OPCML: variants seen among roughly 807,000 people sequenced by gnomAD.
OPCML encodes the protein opioid-binding protein/cell adhesion molecule.
Under a neutral mutation model 37.8 loss-of-function variants are expected in OPCML, and 13 were observed. The ratio of observed to expected loss-of-function variants is 0.34; its 90% CI spans 0.22 to 0.55. The LOEUF (loss-of-function observed/expected upper bound fraction) is 0.55. Among genes scored for constraint, OPCML ranks in the 20% least tolerant of loss-of-function variants. The pLI, the probability that OPCML is intolerant of heterozygous loss-of-function variation, is 0.91. For synonymous variants in OPCML, 176 were observed against 168.8 expected (o/e 1.04, Z -0.33); for missense variants, 341 against 435.6 (o/e 0.78, Z 1.93).
chr11:133,265,648 C>T (rs1334027005), intron 1 of OPCML, among the ~76,000 whole-genome samples: 1 of 152,178 alleles, frequency 6.6e-6, no homozygotes, highest in Non-Finnish European at 1.5e-5. Context: ...GTGTCCCCAT[C>T]ACAGTGGGGT....
chr11:132,773,601 C>A (rs373328347), intron 2 of OPCML, among the ~76,000 whole-genome samples: 1 of 152,160 alleles, frequency 6.6e-6, no homozygotes, highest in East Asian at 1.9e-4. Flanking sequence ...TTGGTAAACA[C>A]GCAATGAGCT....
At chr11:133,428,609 G>A (rs1413862259) in intron 1 of OPCML, among the ~76,000 whole-genome samples, 1 of 152,094 alleles carries the variant, frequency 6.6e-6, no homozygotes, top group African/African-American at 2.4e-5. Flanking sequence ...ACTACAACAT[G>A]TAGGATTAAC....
intron 2 of OPCML, among the ~76,000 whole-genome samples, chr11:132,930,666 C>T (rs190179059): frequency 2.6e-5 from 4 of 152,014 alleles, no homozygotes; most frequent in African/African-American, 7.2e-5. Flanking sequence ...AGGTGAAAGT[C>T]GTATGTACAC....
At chr11:132,914,302 G>A (rs966874031) in intron 2 of OPCML, among the ~76,000 whole-genome samples, 33 of 152,150 alleles carry the variant, frequency 2.2e-4, no homozygotes, top group Admixed American at 1.6e-3. Context: ...AGTCAATATC[G>A]CTTGATCCAT....
At chr11:132,915,728 G>C (rs1286713392) in intron 2 of OPCML, among the ~76,000 whole-genome samples, 1 of 152,126 alleles carries the variant, frequency 6.6e-6, no homozygotes, top group Admixed American at 6.5e-5. Flanking sequence ...TAACTCATAA[G>C]GTTCAGCATT....
rs150042896 is a variant in OPCML, at chr11:132,740,982, A to G, written c.147-83663T>C. ...TTAAAGGGCAATGTGATGAAGGGAC[A>G]GTATGACGTGAAGCTCAAAGTTCAA... On this transcript the variant is annotated intron_variant, in intron 2 of 7. Transcript: ENST00000524381. Among the ~76,000 whole-genome samples, 436 of 152,334 alleles carry G rather than the reference A, an allele frequency of 2.9e-3. 1 individual carries two copies. Among genetic ancestry groups the G allele is most frequent in the African/African-American group, 9.8e-3 (406 of 41,578 alleles).
At chr11:132,984,560 T>G (rs1011912322) in intron 1 of OPCML, among the ~76,000 whole-genome samples, 9 of 152,234 alleles carry the variant, frequency 5.9e-5, no homozygotes, top group Non-Finnish European at 1.3e-4. Flanking sequence ...CTTAAAATGT[T>G]AACTAGTCCA....
At chr11:133,340,337 C>T (rs1226671069) in intron 1 of OPCML, among the ~76,000 whole-genome samples, 2 of 152,202 alleles carry the variant, frequency 1.3e-5, no homozygotes, top group Admixed American at 1.3e-4. Flanking sequence ...CCAGTTTCAA[C>T]ACCAGCCTAT....
intron 1 of OPCML, among the ~76,000 whole-genome samples, chr11:133,468,136 G>A (rs1805363569): frequency 6.6e-6 from 1 of 152,220 alleles, no homozygotes; most frequent in African/African-American, 2.4e-5. Flanking sequence ...TTTAAAACAA[G>A]TGACAGAATT....
intron 3 of OPCML, among the ~76,000 whole-genome samples, chr11:132,624,731 G>A (rs1055930071): frequency 6.6e-6 from 1 of 152,002 alleles, no homozygotes; most frequent in African/African-American, 2.4e-5. Context: ...CTTATCTTCC[G>A]GGAGGCACAA....
chr11:132,865,003 C>T (rs966532354), intron 2 of OPCML, among the ~76,000 whole-genome samples: 1 of 152,244 alleles, frequency 6.6e-6, no homozygotes, highest in Non-Finnish European at 1.5e-5. Flanking sequence ...GGCGATAGAG[C>T]CGGCACTTGG....
intron 1 of OPCML, among the ~76,000 whole-genome samples, chr11:133,039,809 C>T (rs1384532062): frequency 6.6e-6 from 1 of 152,212 alleles, no homozygotes; most frequent in Middle Eastern, 3.4e-3. Context: ...GCGGGCACAT[C>T]ACGAGGTCAG....
chr11:132,838,721 C>T (rs1273762528), intron 2 of OPCML, among the ~76,000 whole-genome samples: 1 of 151,958 alleles, frequency 6.6e-6, no homozygotes, highest in African/African-American at 2.4e-5. Flanking sequence ...TACCCATTGC[C>T]AAAGAGCTGA....
chr11:133,425,393 G>A (rs916716187), intron 1 of OPCML, among the ~76,000 whole-genome samples: 1 of 152,160 alleles, frequency 6.6e-6, no homozygotes, highest in African/African-American at 2.4e-5. Flanking sequence ...CAGGTTCACT[G>A]CCCTTCCGCA....
At chr11:133,237,096 G>C (rs1940550933) in intron 1 of OPCML, among the ~76,000 whole-genome samples, 1 of 152,206 alleles carries the variant, frequency 6.6e-6, no homozygotes, top group African/African-American at 2.4e-5. Context: ...CCTGAGCTGA[G>C]CTTTAAGAAG....
intron 1 of OPCML, among the ~76,000 whole-genome samples, chr11:133,424,986 T>A (rs1288609120): frequency 1.3e-5 from 2 of 152,212 alleles, no homozygotes; most frequent in Admixed American, 6.5e-5. Context: ...ACATGACTAT[T>A]CCAGGAAATT....
At chr11:133,344,444 T>G (rs559458363) in intron 1 of OPCML, among the ~76,000 whole-genome samples, 3 of 152,214 alleles carry the variant, frequency 2.0e-5, no homozygotes, top group East Asian at 3.9e-4. Flanking sequence ...CCACTGCCCC[T>G]CTCCCAGCCA....
intron 1 of OPCML, chr11:133,420,078 TAAAGAATATTGTGG>T (rs1945854066): frequency 3.6e-6 from 1 of 277,378 alleles, no homozygotes; most frequent in Non-Finnish European, 5.5e-6. Context: ...GAATTTCCAG[TAAAGAATATTGTGG>T]ATTCCTTATT....
intron 1 of OPCML, among the ~76,000 whole-genome samples, chr11:133,096,325 T>A (rs922332656): frequency 6.6e-6 from 1 of 152,040 alleles, no homozygotes; most frequent in African/African-American, 2.4e-5. Flanking sequence ...GAATGTATAG[T>A]GTGAACTCTA....
Sources: gnomAD v4.1 joint callset for allele counts (sites outside exome capture counted in the v4.1 genomes callset) on GRCh38, gnomAD v4.1.1 for gene constraint, MANE v1.5 for transcripts, NCBI Gene and HGNC (gene_info 2026-07-23, HGNC 2026-07-21) for gene names.